The following TENM3 variants were observed in gnomAD, a reference collection of about 807,000 sequenced individuals.
The protein encoded by TENM3 is teneurin-3.
TENM3 carries 63 observed loss-of-function variants against 255.1 expected under a neutral mutation model. The observed-to-expected ratio is 0.25, with a 90% CI of 0.20 to 0.30. TENM3 has a LOEUF of 0.30. TENM3 is among the 10% of genes least tolerant of loss of function. The probability of loss-of-function intolerance (pLI) is 1.00; values close to 1 mark genes in which losing one functional copy is unlikely to be tolerated. For synonymous variants in TENM3, 1,306 were observed against 1,322.3 expected (o/e 0.99, Z 0.27); for missense variants, 2,929 against 3,461.1 (o/e 0.85, Z 3.86).
At chr4:181,786,698 T>C in the TENM3 span, among the ~76,000 whole-genome samples, 1 of 30,136 alleles carries the variant, frequency 3.3e-5, no homozygotes, top group Non-Finnish European at 8.7e-5. Context: ...AGACAATCAC[T>C]TTTTTTTTTT....
At chr4:181,798,547 C>T in the TENM3 span, among the ~76,000 whole-genome samples, 1 of 152,140 alleles carries the variant, frequency 6.6e-6, no homozygotes, top group Non-Finnish European at 1.5e-5. Context: ...GAAAAGAAGA[C>T]TCAATACCTT....
intron 19 of TENM3, among the ~76,000 whole-genome samples, chr4:182,747,597 C>T (rs557987394): frequency 1.3e-5 from 2 of 152,274 alleles, no homozygotes; most frequent in South Asian, 4.1e-4. Flanking sequence ...CCAATTCTCA[C>T]ACATTGCAAA....
At chr4:182,328,304 C>T (rs1448684665) in intron 2 of TENM3, among the ~76,000 whole-genome samples, 1 of 152,072 alleles carries the variant, frequency 6.6e-6, no homozygotes. Context: ...CAACCTCTGC[C>T]TCCTGGGTTC....
At chr4:182,202,197 G>A (rs959181526) in intron 1 of TENM3, among the ~76,000 whole-genome samples, 1 of 152,146 alleles carries the variant, frequency 6.6e-6, no homozygotes, top group Admixed American at 6.5e-5. Flanking sequence ...TGGAACGTGG[G>A]CTTGTGAGTG....
At chr4:181,533,837 C>T in the TENM3 span, among the ~76,000 whole-genome samples, 2 of 152,088 alleles carry the variant, frequency 1.3e-5, no homozygotes, top group African/African-American at 2.4e-5. Flanking sequence ...TTATTGGATC[C>T]ATTGGCATAA....
chr4:181,524,622 G>C, the TENM3 span, among the ~76,000 whole-genome samples: 1 of 152,162 alleles, frequency 6.6e-6, no homozygotes, highest in Non-Finnish European at 1.5e-5. Context: ...CATGATCACA[G>C]TAATGTTCTT....
chr4:181,753,300 A>G, the TENM3 span, among the ~76,000 whole-genome samples: 1 of 152,198 alleles, frequency 6.6e-6, no homozygotes, highest in African/African-American at 2.4e-5. Context: ...AAAGCATAAA[A>G]GAGAAAAATA....
chr4:181,647,436 A>G, the TENM3 span, among the ~76,000 whole-genome samples: 7 of 152,222 alleles, frequency 4.6e-5, no homozygotes, highest in Non-Finnish European at 7.3e-5. Context: ...CAATATGTAG[A>G]GTAATATTAG....
chr4:182,566,187 A>G (rs1490288535), intron 3 of TENM3, among the ~76,000 whole-genome samples: 8 of 152,150 alleles, frequency 5.3e-5, no homozygotes, highest in Non-Finnish European at 8.8e-5. Flanking sequence ...TTTGTCACCA[A>G]TATTGCTGAG....
Position 182,789,343 on chromosome 4 carries a change from G to A in TENM3, c.5555G>A (p.Arg1852Gln), listed in dbSNP as rs763389040. The change falls in exon 25 of 28, where the codon CGG becomes CAG. Residue 1852 changes from arginine to glutamine, a missense_variant. This residue lies in a region of TENM3 where 303 missense variants were observed against 425.2 expected (regional missense o/e 0.71). Transcript: ENST00000511685. The surrounding 1 kb of genome is among the most constrained non-coding windows in gnomAD (Gnocchi z 4.4). ...GACGGACAGGGGAGGATCGTGTCTC[G>A]GGTCTTTGCTGATGGTAAAACATGG... is the stretch of plus-strand genomic sequence containing the variant. ...DYDGQGRIVS[R>Q]VFADGKTWSY... The A allele has an allele frequency of 2.5e-5, 41 of 1,613,560 alleles. No homozygotes were observed. The highest frequency in any genetic ancestry group is 1.3e-4 in the Admixed American group (8 of 59,968).
At chr4:182,116,428 G>A in the TENM3 span, among the ~76,000 whole-genome samples, 3 of 152,150 alleles carry the variant, frequency 2.0e-5, no homozygotes, top group Non-Finnish European at 2.9e-5. Flanking sequence ...GAGGGACCCA[G>A]TAGGAAGTGA....
At chr4:182,756,347 C>T (rs1762745070) in intron 22 of TENM3, among the ~76,000 whole-genome samples, 1 of 152,050 alleles carries the variant, frequency 6.6e-6, no homozygotes, top group African/African-American at 2.4e-5. Context: ...GTGGCCCGGG[C>T]ACTGTGCTGT....
chr4:181,685,024 A>G, the TENM3 span, among the ~76,000 whole-genome samples: 2 of 147,756 alleles, frequency 1.4e-5, no homozygotes, highest in Non-Finnish European at 3.0e-5. Flanking sequence ...CCACCCTCCC[A>G]AAGTGCTGGA....
At chr4:182,689,709 C>CAGTAT (rs1756870797) in intron 12 of TENM3, among the ~76,000 whole-genome samples, 1 of 152,206 alleles carries the variant, frequency 6.6e-6, no homozygotes, top group Admixed American at 6.5e-5. Flanking sequence ...GACATATTTG[C>CAGTAT]AGTATTTCTG....
intron 5 of TENM3, among the ~76,000 whole-genome samples, chr4:182,632,947 C>A (rs763893183): frequency 4.2e-4 from 63 of 151,672 alleles, no homozygotes; most frequent in South Asian, 2.5e-3. Flanking sequence ...TTTATTTTTT[C>A]AAGGCAAGAT....
the TENM3 span, among the ~76,000 whole-genome samples, chr4:181,675,023 T>C: frequency 6.6e-6 from 1 of 152,238 alleles, no homozygotes; most frequent in Non-Finnish European, 1.5e-5. Flanking sequence ...TAAAATCTAC[T>C]TGACAATAAT....
the TENM3 span, among the ~76,000 whole-genome samples, chr4:181,935,308 C>T: frequency 1.3e-5 from 2 of 152,220 alleles, no homozygotes; most frequent in Non-Finnish European, 2.9e-5. Flanking sequence ...AACATTACAA[C>T]TTCTTTACAA....
the TENM3 span, among the ~76,000 whole-genome samples, chr4:181,779,740 A>G: frequency 7.2e-5 from 11 of 152,054 alleles, no homozygotes; most frequent in Admixed American, 7.2e-4. Flanking sequence ...TGCACCCATT[A>G]ACTCGTCATT....
chr4:182,403,279 G>C (rs1000212250), intron 3 of TENM3, among the ~76,000 whole-genome samples: 1 of 152,156 alleles, frequency 6.6e-6, no homozygotes. Flanking sequence ...CAAACAAACA[G>C]AGCATAAGGA....
Sources: allele counts gnomAD v4.1 joint callset (sites outside exome capture counted in the v4.1 genomes callset), GRCh38; gene constraint gnomAD v4.1.1; regional missense constraint gnomAD v4.1.1; non-coding constraint Gnocchi (gnomAD v3.1); transcripts MANE v1.5; gene names NCBI Gene and HGNC (gene_info 2026-07-23, HGNC 2026-07-21).